Variants in NELL1 observed in about 807,000 individuals in gnomAD.
NELL1 encodes protein kinase C-binding protein NELL1.
Under a neutral mutation model 107.4 loss-of-function variants are expected in NELL1, and 76 were observed. The observed-to-expected ratio is 0.71, with a 90% CI of 0.59 to 0.86. The LOEUF is 0.86. Ranked by LOEUF, NELL1 falls within the 40% of genes least tolerant of loss-of-function variation. The pLI is 0.00. For synonymous variants in NELL1, 353 were observed against 341.2 expected (o/e 1.03, Z -0.38); for missense variants, 1,024 against 1,005.5 (o/e 1.02, Z -0.25).
intron 13 of NELL1, among the ~76,000 whole-genome samples, chr11:21,216,272 C>A (rs927512120): frequency 6.6e-6 from 1 of 152,222 alleles, no homozygotes; most frequent in African/African-American, 2.4e-5. Flanking sequence ...AGGCAGAAGT[C>A]TGCTGCAGAG....
intron 14 of NELL1, among the ~76,000 whole-genome samples, chr11:21,321,026 A>G (rs952292663): frequency 6.6e-6 from 1 of 152,180 alleles, no homozygotes; most frequent in African/African-American, 2.4e-5. Context: ...AATTTAGTAG[A>G]TTTGCACATG....
chr11:20,684,251 T>A (rs954899664), intron 2 of NELL1, among the ~76,000 whole-genome samples: 1 of 151,770 alleles, frequency 6.6e-6, no homozygotes, highest in Non-Finnish European at 1.5e-5. Context: ...CTACAAAAAA[T>A]AAAACAAAAA....
At chr11:21,139,365 G>T (rs966587871) in intron 13 of NELL1, among the ~76,000 whole-genome samples, 1 of 152,154 alleles carries the variant, frequency 6.6e-6, no homozygotes, top group Non-Finnish European at 1.5e-5. Flanking sequence ...CATCTGCATA[G>T]CTGGCTCCCT....
At chr11:20,899,891 G>A (rs1259219439) in intron 5 of NELL1, among the ~76,000 whole-genome samples, 1 of 32,976 alleles carries the variant, frequency 3.0e-5, no homozygotes, top group African/African-American at 7.5e-5. Context: ...TCGCCAAAAT[G>A]GACTTCAAAT....
chr11:20,836,329 A>G (rs1360153850), intron 3 of NELL1, among the ~76,000 whole-genome samples: 1 of 151,798 alleles, frequency 6.6e-6, no homozygotes, highest in Non-Finnish European at 1.5e-5. Flanking sequence ...TAGCAACAGG[A>G]ATCCTTGTTT....
intron 12 of NELL1, among the ~76,000 whole-genome samples, chr11:20,986,239 A>G (rs1464611184): frequency 7.2e-5 from 11 of 152,178 alleles, no homozygotes; most frequent in African/African-American, 1.7e-4. Flanking sequence ...TCAAAAGAGA[A>G]TATGTTAGAT....
intron 3 of NELL1, among the ~76,000 whole-genome samples, chr11:20,796,216 A>G (rs943455011): frequency 6.6e-6 from 1 of 152,226 alleles, no homozygotes; most frequent in African/African-American, 2.4e-5. Context: ...GTTATAGATA[A>G]TCTAAAACAA....
Position 21,406,147 on chromosome 11 carries a change from G to C in NELL1, c.1645+35199G>C, listed in dbSNP as rs72633002. ...GGAGAAGGGAGAAGACAATGAAAGA[G>C]AGAGAGAGATAAAAAATTTCTTTAT... is the stretch of plus-strand genomic sequence containing the variant. On this transcript the variant is annotated intron_variant, in intron 15 of 19. Coordinates refer to ENST00000357134, the MANE Select transcript of NELL1 (RefSeq NM_006157.5). Among the ~76,000 whole-genome samples the C allele has an allele frequency of 0.028, 4,264 of 152,066 alleles. 408 individuals carry two copies. The East Asian group carries it at 0.38, about 14-fold the overall frequency.
chr11:21,292,192 A>C (rs1849283417), intron 14 of NELL1, among the ~76,000 whole-genome samples: 1 of 152,204 alleles, frequency 6.6e-6, no homozygotes, highest in East Asian at 1.9e-4. Flanking sequence ...CTGTCAGCCC[A>C]AAATCTCCTT....
intron 15 of NELL1, among the ~76,000 whole-genome samples, chr11:21,398,797 A>T (rs1852035491): frequency 1.3e-5 from 2 of 151,746 alleles, no homozygotes; most frequent in African/African-American, 4.8e-5. Flanking sequence ...TATCTTCCTG[A>T]TTTAAAAGGT....
rs186274295 is a variant in NELL1 at position 21,342,516 on chromosome 11, T to G, written c.1550-28337T>G. On this transcript the variant is annotated intron_variant, in intron 14 of 19. Transcript: ENST00000357134. ...ACAAATTAGCAGGCATGGTGGCATG[T>G]GCCTGTAGTTACAGCTACCTGGGAG... Among the ~76,000 whole-genome samples, 523 of 151,302 alleles carry G rather than the reference T, an allele frequency of 3.5e-3. 2 individuals carry two copies. The highest frequency in any genetic ancestry group is 0.024 in the Middle Eastern group (7 of 294).
chr11:21,573,496 A>G (rs527861739), intron 19 of NELL1, 87 bp downstream of exon 19: 7 of 1,141,980 alleles, frequency 6.1e-6, no homozygotes. Context: ...TTCTGAATAC[A>G]CAGGTTCAAT....
intron 2 of NELL1, among the ~76,000 whole-genome samples, chr11:20,731,561 G>T (rs12362793): frequency 0.12 from 18,148 of 152,270 alleles, 1,193 homozygotes; most frequent in Non-Finnish European, 0.15. Flanking sequence ...GTGTCTGCAT[G>T]GGCATGAGTG....
At chr11:20,900,192 G>A (rs1002480812) in intron 5 of NELL1, among the ~76,000 whole-genome samples, 2 of 152,050 alleles carry the variant, frequency 1.3e-5, no homozygotes, top group African/African-American at 4.8e-5. Context: ...TGCTTCATGT[G>A]GCCTCTCGAT....
chr11:21,381,904 A>ATTTGTTTTT (rs1851619279), intron 15 of NELL1, among the ~76,000 whole-genome samples: 1 of 91,356 alleles, frequency 1.1e-5, no homozygotes, highest in African/African-American at 4.5e-5. Flanking sequence ...CCTGGAAGGG[A>ATTTGTTTTT]TTTTTTTTTT....
chr11:21,503,825 T>C (rs922695741), intron 15 of NELL1, among the ~76,000 whole-genome samples: 3 of 151,956 alleles, frequency 2.0e-5, no homozygotes, highest in Non-Finnish European at 4.4e-5. Flanking sequence ...AGTCCCTAAT[T>C]ATGAGCTGTT....
At chr11:21,522,312 C>A (rs577718951) in intron 15 of NELL1, among the ~76,000 whole-genome samples, 35 of 151,418 alleles carry the variant, frequency 2.3e-4, no homozygotes, top group Middle Eastern at 3.5e-3. Flanking sequence ...AGGGAATCAA[C>A]CTAACTGTGC....
intron 12 of NELL1, among the ~76,000 whole-genome samples, chr11:21,032,517 TA>T (rs796376587): frequency 1.9e-4 from 29 of 152,216 alleles, no homozygotes; most frequent in African/African-American, 6.7e-4. Flanking sequence ...GCCTCCCAGG[TA>T]GCTGGGATTA....
intron 14 of NELL1, among the ~76,000 whole-genome samples, chr11:21,349,610 T>C (rs1334752626): frequency 6.6e-6 from 1 of 152,274 alleles, no homozygotes; most frequent in East Asian, 1.9e-4. Flanking sequence ...AGTGTCCTTT[T>C]TTTTTTAAAG....
Sources: gnomAD v4.1 joint callset for allele counts (sites outside exome capture counted in the v4.1 genomes callset) on GRCh38, gnomAD v4.1.1 for gene constraint, MANE v1.5 for transcripts, NCBI Gene and HGNC (gene_info 2026-07-23, HGNC 2026-07-21) for gene names.